The following SLC22A5 variants were observed in gnomAD, a reference collection of about 807,000 sequenced individuals.
SLC22A5 encodes the protein organic cation/carnitine transporter 2.
SLC22A5 carries 44 observed loss-of-function variants against 56.7 expected under a neutral mutation model. The observed-to-expected ratio is 0.78, with a 90% CI of 0.61 to 1.00. The LOEUF is 1.00. SLC22A5 is among the 50% of genes least tolerant of loss of function. SLC22A5 has a pLI of 0.00. For missense variants in SLC22A5, 675 were observed against 723.0 expected (o/e 0.93, Z 0.76); for synonymous variants, 278 against 292.1 (o/e 0.95, Z 0.49).
chr5:132,377,421 G>A (rs547127649), intron 1 of SLC22A5: 4 of 152,230 alleles, frequency 2.6e-5, no homozygotes, highest in African/African-American at 9.7e-5. Context: ...AGTCTGCAAA[G>A]GTTACTACTG....
chr5:132,384,497 A>C (rs531014418), intron 3 of SLC22A5, among the ~76,000 whole-genome samples, 196 bp downstream of exon 3: 2 of 152,230 alleles, frequency 1.3e-5, no homozygotes, highest in South Asian at 4.1e-4. Context: ...GGTCCCCAGC[A>C]GCACAATGGC....
At chr5:132,390,547 G>A (rs1227314593) in intron 6 of SLC22A5, 143 bp from the exon 7 acceptor site, 12 of 733,364 alleles carry the variant, frequency 1.6e-5, no homozygotes, top group Middle Eastern at 2.5e-4. Flanking sequence ...GAAGTAAGAC[G>A]CAGGGTTACA....
At chr5:132,386,640 G>A (rs1005671145) in intron 4 of SLC22A5, among the ~76,000 whole-genome samples, 1 of 152,162 alleles carries the variant, frequency 6.6e-6, no homozygotes, top group Non-Finnish European at 1.5e-5. Context: ...TGTTGGTGCC[G>A]GGGACAGGGA....
chr5:132,390,374 A>G, intron 6 of SLC22A5: 1 of 409,812 alleles, frequency 2.4e-6, no homozygotes, highest in Non-Finnish European at 4.6e-6. Flanking sequence ...GGATTTTTAA[A>G]GCTGAAAGGC....
intron 7 of SLC22A5, 143 bp downstream of exon 7, chr5:132,391,047 A>C (rs1752682903): frequency 1.3e-6 from 1 of 740,910 alleles, no homozygotes; most frequent in South Asian, 1.6e-5. Context: ...AAATCAATAG[A>C]AAGTGTCTTC....
In SLC22A5 at chr5:132,390,105, G is replaced by C. The variant is rs190020265; in HGVS notation, c.1053-585G>C. The stretch of plus-strand genomic sequence containing the variant: ...GGGGTACTGCAGGGCATCCTGATGA[G>C]AGGCAGTGTGGCCCCTCCATTGGGA... On this transcript the variant is annotated intron_variant, in intron 6 of 9. Coordinates refer to ENST00000245407, the MANE Select transcript of SLC22A5 (RefSeq NM_003060.4). 1.2e-4 allele frequency: 22 copies of C among 181,982 alleles called. No individual in the cohort carries two copies. The East Asian group carries it at 3.1e-3, about 26-fold the overall frequency. The allele number at this position is 181,982 out of a possible 1,614,324, so 11.3% of individuals were successfully genotyped here.
intron 8 of SLC22A5, 47 bp from the exon 9 acceptor site, chr5:132,393,629 A>C (rs768702076): frequency 2.5e-6 from 4 of 1,611,996 alleles, no homozygotes; most frequent in East Asian, 2.2e-5. Flanking sequence ...TGAGAGACCA[A>C]GTCTAACTGC....
chr5:132,390,692 T>G lies in SLC22A5; in HGVS notation c.1055T>G (p.Met352Arg), dbSNP rs1275349783. The change falls in exon 7 of 10, where the codon ATG becomes AGG. Residue 352 changes from methionine (M) to arginine (R), a missense_variant and splice_region_variant. Coordinates refer to ENST00000245407, the MANE Select transcript of SLC22A5 (RefSeq NM_003060.4). ...MVTIMSIMLW[M>R]TISVGYFGLS... is the part of the protein sequence containing the mutation. The stretch of plus-strand genomic sequence containing the variant: ...CTTTCTTCTGCACTCTGTTTCAGGA[T>G]GACCATATCAGTGGGCTATTTTGGG... The G allele has an allele frequency of 6.2e-7, 1 of 1,611,608 alleles. No individual in the cohort carries two copies. The highest frequency in any genetic ancestry group is 1.3e-5 in the African/African-American group (1 of 74,886).
chr5:132,378,275 G>A (rs548517660), intron 1 of SLC22A5, 103 bp from the exon 2 acceptor site: 41 of 1,613,858 alleles, frequency 2.5e-5, no homozygotes, highest in South Asian at 1.5e-4. Flanking sequence ...CACTCAGAGC[G>A]TGTGGGGATG....
chr5:132,372,935 G>A (rs192661654), intron 1 of SLC22A5, among the ~76,000 whole-genome samples: 132 of 152,308 alleles, frequency 8.7e-4, no homozygotes, highest in Non-Finnish European at 2.6e-4. Flanking sequence ...CACTGGTATT[G>A]AATTACTAGT....
rs368757613 is a variant in SLC22A5 at position 132,378,375 on chromosome 5, C to T, written c.394-3C>T. On this transcript the variant is annotated splice_polypyrimidine_tract_variant and splice_region_variant and intron_variant, in intron 1 of 9. Transcript: ENST00000245407. ...TGATACACCCCCTTTGCTCATCTTG[C>T]AGTGGAACCTGGTGTGTGAGGACGA... 3 of 1,613,874 alleles carry T rather than the reference C, an allele frequency of 1.9e-6. No individual in the cohort carries two copies. Among genetic ancestry groups the T allele is most frequent in the Non-Finnish European group, 2.5e-6 (3 of 1,179,722 alleles).
At chr5:132,384,399 G>T in intron 3 of SLC22A5, 98 bp downstream of exon 3, 1 of 1,288,008 alleles carries the variant, frequency 7.8e-7, no homozygotes, top group South Asian at 1.2e-5. Flanking sequence ...CCTCAAGGGG[G>T]ACAGGGTTTC....
intron 2 of SLC22A5, 172 bp from the exon 3 acceptor site, chr5:132,383,975 G>A: frequency 1.5e-6 from 1 of 684,556 alleles, no homozygotes; most frequent in East Asian, 2.7e-5. Flanking sequence ...GAGTGGGGAG[G>A]GGGAGAAATA....
At position 132,370,192 on chromosome 5, in the gene SLC22A5, G is replaced by T; in HGVS notation, c.220G>T (p.Gly74Cys). ...NHTVPLRLRD[G>C]REVPHSCRRY... ...CACTGTCCCACTGCGGCTGCGGGAC[G>T]GCCGCGAGGTGCCCCACAGCTGCCG... The change falls in exon 1 of 10, where the codon GGC (glycine) becomes TGC (cysteine). Residue 74 changes from glycine to cysteine, a missense_variant. Transcript: ENST00000245407. The T allele has an allele frequency of 6.3e-7, 1 of 1,594,212 alleles. No individual in the cohort carries two copies. The highest frequency in any genetic ancestry group is 8.5e-7 in the Non-Finnish European group (1 of 1,170,672).
At chr5:132,386,744 G>A (rs1752545951) in intron 4 of SLC22A5, among the ~76,000 whole-genome samples, 1 of 152,184 alleles carries the variant, frequency 6.6e-6, no homozygotes, top group African/African-American at 2.4e-5. Context: ...CCAGCAGATG[G>A]CAACACTGCT....
intron 1 of SLC22A5, among the ~76,000 whole-genome samples, chr5:132,374,303 C>T (rs1025117576): frequency 2.6e-4 from 39 of 152,302 alleles, no homozygotes; most frequent in African/African-American, 8.7e-4. Flanking sequence ...AAGAAGCCCT[C>T]GGCCCAGTCC....
chr5:132,374,205 G>A (rs1013414011), intron 1 of SLC22A5, among the ~76,000 whole-genome samples: 1 of 150,306 alleles, frequency 6.7e-6, no homozygotes, highest in Admixed American at 6.6e-5. Context: ...GGTGACAAGA[G>A]CAAGACTCCG....
At chr5:132,392,700 A>T (rs895687787) in intron 8 of SLC22A5, 85 bp downstream of exon 8, 22 of 1,208,046 alleles carry the variant, frequency 1.8e-5, no homozygotes, top group Middle Eastern at 2.6e-4. Flanking sequence ...TTGCGTGTTA[A>T]CAGGAAAACA....
intron 6 of SLC22A5, chr5:132,389,259 G>A (rs895015500): frequency 1.3e-5 from 6 of 476,272 alleles, no homozygotes; most frequent in Non-Finnish European, 2.3e-5. Flanking sequence ...ATGGACTCTT[G>A]TGGGGAATCT....
Sources: allele counts gnomAD v4.1 joint callset (sites outside exome capture counted in the v4.1 genomes callset), GRCh38; gene constraint gnomAD v4.1.1; transcripts MANE v1.5; gene names NCBI Gene and HGNC (gene_info 2026-07-23, HGNC 2026-07-21).